The following XKR4 variants were observed in gnomAD, a reference collection of about 807,000 sequenced individuals.
XKR4 encodes XK-related protein 4.
XKR4 carries 12 observed loss-of-function variants against 53.9 expected under a neutral mutation model. The ratio of observed to expected loss-of-function variants is 0.22; its 90% CI spans 0.14 to 0.36. XKR4 has a LOEUF of 0.36. Ranked by LOEUF, XKR4 falls within the 10% of genes least tolerant of loss-of-function variation. XKR4 has a pLI of 1.00. For synonymous variants in XKR4, 354 were observed against 362.4 expected, an observed-to-expected ratio of 0.98 and a Z score of 0.26; for missense variants, 799 against 859.5, an observed-to-expected ratio of 0.93 and a Z score of 0.88.
chr8:55,500,795 A>G (rs773395308), intron 2 of XKR4, among the ~76,000 whole-genome samples: 18 of 152,208 alleles, frequency 1.2e-4, no homozygotes, highest in African/African-American at 3.4e-4. Flanking sequence ...TGCTATCCCT[A>G]TTCCACAAAT....
At chr8:55,121,213 A>G (rs563628555) in intron 1 of XKR4, among the ~76,000 whole-genome samples, 4 of 152,290 alleles carry the variant, frequency 2.6e-5, no homozygotes, top group South Asian at 2.1e-4. Context: ...TAAGTTTTCA[A>G]TTTATTTGGG....
rs373751560 is a variant in XKR4, at chr8:55,524,177, A to G, written c.1903A>G (p.Lys635Glu). The G allele has an allele frequency of 1.2e-5, 19 of 1,614,118 alleles. No individual in the cohort carries two copies. Among genetic ancestry groups the G allele is most frequent in the Non-Finnish European group, 1.6e-5 (19 of 1,180,052 alleles). Residue 635 changes from lysine (K) to glutamate (E), a missense_variant, in exon 3 of 3, where the codon AAA becomes GAA. Physicochemically the swap from Lys to Glu is moderately conservative, Grantham distance 56. This residue lies in a region of XKR4 where 269 missense variants were observed against 264.4 expected (regional missense o/e 1.02). Transcript: ENST00000327381. ...CSPSPPRLQY[K>E]DDALIQERLE... Reference sequence around the variant, plus strand: ...CCCATCTCCTCCAAGGCTGCAGTACAAAGATGATGCCCTTATTCAGGAGCG... The same window carrying G: ...CCCATCTCCTCCAAGGCTGCAGTACGAAGATGATGCCCTTATTCAGGAGCG...
chr8:55,212,586 C>T (rs1285726002), intron 1 of XKR4, among the ~76,000 whole-genome samples: 1 of 152,176 alleles, frequency 6.6e-6, no homozygotes, highest in African/African-American at 2.4e-5. Context: ...TTCAGGTTTA[C>T]TTTAAAATGC....
chr8:55,289,991 C>G (rs1165183998), intron 1 of XKR4, among the ~76,000 whole-genome samples: 1 of 151,978 alleles, frequency 6.6e-6, no homozygotes, highest in Admixed American at 6.6e-5. Flanking sequence ...TGCATCCTCA[C>G]TGGTATTTGG....
intron 1 of XKR4, among the ~76,000 whole-genome samples, chr8:55,337,188 C>G (rs1803474912): frequency 6.6e-6 from 1 of 151,936 alleles, no homozygotes; most frequent in Non-Finnish European, 1.5e-5. Context: ...TAAAAAGGGC[C>G]CTAGTGTCTC....
intron 1 of XKR4, among the ~76,000 whole-genome samples, chr8:55,347,424 C>T (rs1405929433): frequency 1.3e-5 from 2 of 152,142 alleles, no homozygotes; most frequent in Admixed American, 6.5e-5. Flanking sequence ...TTTTCATGCA[C>T]ATCTTCAAAA....
intron 2 of XKR4, among the ~76,000 whole-genome samples, chr8:55,445,283 T>A (rs1487435837): frequency 6.6e-6 from 1 of 152,052 alleles, no homozygotes; most frequent in Non-Finnish European, 1.5e-5. Flanking sequence ...GGTCTCGATC[T>A]CCTGACCTCG....
rs149145637 is a variant in XKR4 at position 55,390,295 on chromosome 8, A to G, written c.1006+32418A>G. On this transcript the variant is annotated intron_variant, in intron 2 of 2. Transcript: ENST00000327381. ...TTAATGGTATCATTTGCCAATTTCAATTTAACATTTATGATTAGCAATGGA... is the reference window on the plus strand; with the variant it reads ...TTAATGGTATCATTTGCCAATTTCAGTTTAACATTTATGATTAGCAATGGA... Among the ~76,000 whole-genome samples the G allele has an allele frequency of 1.7e-4, 26 of 152,354 alleles. No homozygotes were observed. The East Asian group carries it at 4.6e-3, about 27-fold the overall frequency.
intron 1 of XKR4, among the ~76,000 whole-genome samples, chr8:55,198,930 G>A (rs1817538172): frequency 6.6e-6 from 1 of 152,136 alleles, no homozygotes; most frequent in African/African-American, 2.4e-5. Context: ...GACAATCTAA[G>A]TTTGAACCAG....
chr8:55,265,028 T>G (rs1019441781), intron 1 of XKR4, among the ~76,000 whole-genome samples: 1 of 152,224 alleles, frequency 6.6e-6, no homozygotes, highest in African/African-American at 2.4e-5. Flanking sequence ...ATTATGACTT[T>G]GAAGCATTTC....
rs144122578 is a variant in XKR4 at position 55,350,241 on chromosome 8, A to G, written c.807-7437A>G. Among the ~76,000 whole-genome samples the G allele has an allele frequency of 6.4e-3, 971 of 152,272 alleles. 9 individuals are homozygous for G. The highest frequency in any genetic ancestry group is 0.014 in the Middle Eastern group (4 of 294). ...GTGAATTTGTGCGTGCTCTTTGCCT[A>G]TAGTTATTTTCAAAGAGCAAGAGCA... On this transcript the variant is annotated intron_variant, in intron 1 of 2. Transcript: ENST00000327381.
At chr8:55,431,495 A>G (rs910638223) in intron 2 of XKR4, among the ~76,000 whole-genome samples, 1 of 152,214 alleles carries the variant, frequency 6.6e-6, no homozygotes, top group African/African-American at 2.4e-5. Flanking sequence ...CAAAAAAAAG[A>G]GATTTCAGAA....
At chr8:55,486,064 A>C (rs769827215) in intron 2 of XKR4, among the ~76,000 whole-genome samples, 8 of 152,170 alleles carry the variant, frequency 5.3e-5, no homozygotes, top group Non-Finnish European at 1.2e-4. Context: ...ATCACATATA[A>C]ATTTTTGCAA....
intron 2 of XKR4, among the ~76,000 whole-genome samples, chr8:55,483,736 T>C (rs986923294): frequency 6.7e-6 from 1 of 149,282 alleles, no homozygotes; most frequent in Non-Finnish European, 1.5e-5. Context: ...AATGCATCCA[T>C]TAGAAAAGTG....
chr8:55,169,273 G>A (rs1817116885), intron 1 of XKR4, among the ~76,000 whole-genome samples: 1 of 152,214 alleles, frequency 6.6e-6, no homozygotes, highest in Non-Finnish European at 1.5e-5. Flanking sequence ...AGTTCTTTAA[G>A]CCTTTCTGCC....
intron 2 of XKR4, chr8:55,452,105 G>A: frequency 1.4e-6 from 1 of 690,128 alleles, no homozygotes; most frequent in Admixed American, 2.1e-5. Context: ...TAGAGCCCAG[G>A]GTGAAGGAGA....
At chr8:55,392,264 A>G (rs529332370) in intron 2 of XKR4, among the ~76,000 whole-genome samples, 25 of 152,272 alleles carry the variant, frequency 1.6e-4, no homozygotes, top group African/African-American at 5.3e-4. Flanking sequence ...TCCTTGGAGG[A>G]ATGGTGGGTT....
chr8:55,310,144 C>G (rs551648167), intron 1 of XKR4, among the ~76,000 whole-genome samples: 2 of 152,196 alleles, frequency 1.3e-5, no homozygotes, highest in East Asian at 1.9e-4. Flanking sequence ...AAGAAAAACA[C>G]CAAGAGCCAA....
In XKR4 at chr8:55,357,678, A is replaced by G; in HGVS notation, c.807A>G (p.Arg269=). 6.2e-7 allele frequency: 1 copy of G among 1,614,084 alleles called. No individual in the cohort carries two copies. Among genetic ancestry groups the G allele is most frequent in the African/African-American group, 1.3e-5 (1 of 75,058 alleles). Residue 269 remains arginine, a splice_region_variant and synonymous_variant, in exon 2 of 3, where the codon AGA becomes AGG. Coordinates refer to ENST00000327381, the MANE Select transcript of XKR4 (RefSeq NM_052898.2). Reference sequence around the variant, plus strand: ...CTTATTCTCCATGTTTTCTTTCTAGATATTTCCACACAATATACTTAGGTA... The same window carrying G: ...CTTATTCTCCATGTTTTCTTTCTAGGTATTTCCACACAATATACTTAGGTA... ...IHILQLGQIW[R]YFHTIYLGIR... is the part of the protein sequence containing the mutation.
Sources: allele counts gnomAD v4.1 joint callset (sites outside exome capture counted in the v4.1 genomes callset), GRCh38; gene constraint gnomAD v4.1.1; regional missense constraint gnomAD v4.1.1; transcripts MANE v1.5; gene names NCBI Gene and HGNC (gene_info 2026-07-23, HGNC 2026-07-21).